ZNF407: variants seen among roughly 807,000 people sequenced by gnomAD.
ZNF407 encodes zinc finger protein 407.
A neutral mutation model predicts 131.2 loss-of-function variants in ZNF407; 17 were observed. The ratio of observed to expected loss-of-function variants is 0.13; its 90% CI spans 0.09 to 0.19. The LOEUF is 0.19. Ranked by LOEUF, ZNF407 falls within the 10% of genes least tolerant of loss-of-function variation. ZNF407 has a pLI of 1.00. For synonymous variants in ZNF407, 1,156 were observed against 1,062.0 expected (o/e 1.09, Z -1.72); for missense variants, 2,681 against 2,830.6 (o/e 0.95, Z 1.20).
intron 7 of ZNF407, among the ~76,000 whole-genome samples, chr18:74,916,138 T>C (rs1305060225): frequency 2.4e-5 from 1 of 42,304 alleles, no homozygotes; most frequent in Non-Finnish European, 4.0e-5. Flanking sequence ...TGTGTGTGTG[T>C]GTGCATGCAT....
Position 74,634,364 on chromosome 18 carries a change from A to G in ZNF407, c.3345A>G (p.Pro1115=), listed in dbSNP as rs1984321713. The G allele has an allele frequency of 6.2e-7, 1 of 1,613,938 alleles. No homozygotes were observed. Among genetic ancestry groups the G allele is most frequent in the Non-Finnish European group, 8.5e-7 (1 of 1,179,882 alleles). Residue 1115 remains proline, a synonymous_variant, in exon 2 of 9, where the codon CCA becomes CCG. Coordinates refer to ENST00000299687, the MANE Select transcript of ZNF407 (RefSeq NM_017757.3). ...AATTTCAAATAATTTCAGGTCAACCATCTGATACTCTTAAATCTAGAAATG... is the reference window on the plus strand; with the variant it reads ...AATTTCAAATAATTTCAGGTCAACCGTCTGATACTCTTAAATCTAGAAATG... The part of the protein sequence containing the change: ...SEEFQIISGQ[P]SDTLKSRNAA...
At chr18:74,985,084 T>A (rs1972637273) in intron 8 of ZNF407, among the ~76,000 whole-genome samples, 1 of 152,236 alleles carries the variant, frequency 6.6e-6, no homozygotes, top group Admixed American at 6.5e-5. Context: ...TTGTCGATAT[T>A]TGAGCACAGT....
intron 8 of ZNF407, among the ~76,000 whole-genome samples, chr18:75,004,950 G>A (rs1036635884): frequency 2.0e-5 from 3 of 152,110 alleles, no homozygotes; most frequent in East Asian, 1.9e-4. Context: ...CTCTATCAGC[G>A]GTGTTCCACA....
intron 2 of ZNF407, among the ~76,000 whole-genome samples, chr18:74,640,607 T>C (rs1002418982): frequency 6.6e-6 from 1 of 152,210 alleles, no homozygotes; most frequent in Non-Finnish European, 1.5e-5. Flanking sequence ...ATGATAAATA[T>C]GCTTTTAAAA....
intron 8 of ZNF407, among the ~76,000 whole-genome samples, chr18:75,005,167 A>G (rs4891218): frequency 0.18 from 27,130 of 152,110 alleles, 2,673 homozygotes; most frequent in Admixed American, 0.29. Context: ...ATGGAGCTGC[A>G]TTTACCCCTT....
At chr18:74,641,267 T>G (rs1984702596) in intron 3 of ZNF407, 145 bp downstream of exon 3, 1 of 613,432 alleles carries the variant, frequency 1.6e-6, no homozygotes, top group African/African-American at 1.8e-5. Context: ...GTAAATTCCT[T>G]AAATACAGTT....
intron 4 of ZNF407, among the ~76,000 whole-genome samples, chr18:74,781,947 A>C (rs965640695): frequency 6.6e-6 from 1 of 152,224 alleles, no homozygotes; most frequent in Non-Finnish European, 1.5e-5. Context: ...TCCCCCAAAT[A>C]ATACTACAGT....
chr18:74,716,364 T>A (rs1967894099), intron 3 of ZNF407, among the ~76,000 whole-genome samples: 1 of 152,232 alleles, frequency 6.6e-6, no homozygotes, highest in Admixed American at 6.5e-5. Flanking sequence ...TCCTCTTATT[T>A]CTAGTATCAC....
At chr18:74,961,739 A>G (rs913666796) in intron 8 of ZNF407, among the ~76,000 whole-genome samples, 2 of 151,878 alleles carry the variant, frequency 1.3e-5, no homozygotes, top group Admixed American at 6.6e-5. Flanking sequence ...AAAAGTTTGC[A>G]AAGTGCCCAG....
intron 3 of ZNF407, among the ~76,000 whole-genome samples, chr18:74,691,926 T>A (rs746566245): frequency 1.1e-4 from 16 of 152,084 alleles, no homozygotes; most frequent in Non-Finnish European, 2.2e-4. Context: ...AAATTCTGTC[T>A]CTATAAAAAA....
At chr18:74,774,494 A>T (rs1478237582) in intron 3 of ZNF407, among the ~76,000 whole-genome samples, 1 of 152,208 alleles carries the variant, frequency 6.6e-6, no homozygotes, top group Non-Finnish European at 1.5e-5. Flanking sequence ...GCATAATGGA[A>T]TGTGAACCTG....
chr18:74,781,178 A>G (rs1032331994), intron 3 of ZNF407, among the ~76,000 whole-genome samples: 2 of 152,176 alleles, frequency 1.3e-5, no homozygotes, highest in African/African-American at 4.8e-5. Context: ...AAGAACTACA[A>G]TCATTGTGCT....
chr18:74,664,947 G>C (rs1186378205), intron 3 of ZNF407, among the ~76,000 whole-genome samples: 1 of 152,164 alleles, frequency 6.6e-6, no homozygotes, highest in Non-Finnish European at 1.5e-5. Flanking sequence ...GCCTAGGCTT[G>C]AGTTCGGGTT....
chr18:74,999,148 T>G, intron 8 of ZNF407, among the ~76,000 whole-genome samples: 2 of 69,836 alleles, frequency 2.9e-5, no homozygotes, highest in Admixed American at 1.5e-4. Context: ...AATTGAACAA[T>G]GAGATCACAT....
rs572286764 is a variant in ZNF407, at chr18:75,024,300, C to G, written c.5429-38850C>G. 1.1e-4 allele frequency among the ~76,000 whole-genome samples: 16 copies of G among 152,290 alleles called. 1 individual carries two copies. The South Asian group carries it at 3.3e-3, about 32-fold the overall frequency. ...GGACTGATTAACTTACTCGCAGATACTGTTCCTTTATCATCTATGTCTGTT... is the reference window on the plus strand; with the variant it reads ...GGACTGATTAACTTACTCGCAGATAGTGTTCCTTTATCATCTATGTCTGTT... On this transcript the variant is annotated intron_variant, in intron 8 of 8. Coordinates refer to ENST00000299687, the MANE Select transcript of ZNF407 (RefSeq NM_017757.3).
chr18:74,874,446 A>G (rs1247488072), intron 4 of ZNF407, among the ~76,000 whole-genome samples: 1 of 152,188 alleles, frequency 6.6e-6, no homozygotes, highest in East Asian at 1.9e-4. Context: ...AGCCTAGGGT[A>G]AGCCACAGGG....
intron 8 of ZNF407, among the ~76,000 whole-genome samples, chr18:75,041,846 A>G (rs1380311037): frequency 6.6e-6 from 1 of 152,212 alleles, no homozygotes; most frequent in African/African-American, 2.4e-5. Context: ...ACAAATGTCA[A>G]TACAAACACC....
intron 3 of ZNF407, among the ~76,000 whole-genome samples, chr18:74,665,921 A>G (rs2144740729): frequency 6.6e-6 from 1 of 152,326 alleles, no homozygotes; most frequent in African/African-American, 2.4e-5. Flanking sequence ...TGAGAATCTG[A>G]GTAGCAAGCA....
intron 3 of ZNF407, among the ~76,000 whole-genome samples, chr18:74,680,400 T>A (rs1186702374): frequency 7.3e-6 from 1 of 137,612 alleles, no homozygotes. Flanking sequence ...GACCTTGCCT[T>A]AAAAAAAAAA....
Sources: gnomAD v4.1 joint callset for allele counts (sites outside exome capture counted in the v4.1 genomes callset) on GRCh38, gnomAD v4.1.1 for gene constraint, MANE v1.5 for transcripts, NCBI Gene and HGNC (gene_info 2026-07-23, HGNC 2026-07-21) for gene names.